Variants in EMILIN2 observed in about 807,000 individuals in gnomAD.
EMILIN2 encodes elastin microfibril interfacer 2.
A neutral mutation model predicts 87.1 loss-of-function variants in EMILIN2; 71 were observed. The observed-to-expected ratio is 0.82, with a 90% CI of 0.67 to 0.99. The LOEUF is 0.99. Ranked by LOEUF, EMILIN2 falls within the 50% of genes least tolerant of loss-of-function variation. The probability of loss-of-function intolerance (pLI) is 0.00; values close to 1 mark genes in which losing one functional copy is unlikely to be tolerated. For missense variants in EMILIN2, 1,407 were observed against 1,371.8 expected (o/e 1.03, Z -0.40); for synonymous variants, 581 against 563.4 (o/e 1.03, Z -0.44).
chr18:2,890,719 G>C lies in EMILIN2; in HGVS notation c.592G>C (p.Val198Leu). The part of the protein sequence containing the change: ...EEKVLRLTRT[V>L]LDLQSSLAGV... ...GAAGGTTCTTCGACTCACAAGGACGGTTCTTGACCTCCAGTCTTCCCTTGC... is the reference window on the plus strand; with the variant it reads ...GAAGGTTCTTCGACTCACAAGGACGCTTCTTGACCTCCAGTCTTCCCTTGC... The change falls in exon 4 of 8, where the codon GTT becomes CTT. Residue 198 changes from valine (V) to leucine (L), a missense_variant. Transcript: ENST00000254528. The surrounding 1 kb of genome is among the most constrained non-coding windows in gnomAD (Gnocchi z 4.7). 2 of 1,614,140 alleles carry C rather than the reference G, an allele frequency of 1.2e-6. No individual in the cohort carries two copies. The highest frequency in any genetic ancestry group is 3.3e-5 in the Admixed American group (2 of 60,020).
chr18:2,850,201 A>G (rs2076595336), intron 2 of EMILIN2, among the ~76,000 whole-genome samples: 1 of 151,480 alleles, frequency 6.6e-6, no homozygotes, highest in African/African-American at 2.4e-5. Flanking sequence ...CAGCCTGCCA[A>G]AGTGCTAGGA....
chr18:2,850,282 G>A (rs1436317814), intron 2 of EMILIN2, among the ~76,000 whole-genome samples: 1 of 151,864 alleles, frequency 6.6e-6, no homozygotes, highest in African/African-American at 2.4e-5. Flanking sequence ...ACAAAGGAAG[G>A]AGCCTTCTTT....
At chr18:2,852,052 T>G (rs2076604343) in intron 2 of EMILIN2, among the ~76,000 whole-genome samples, 1 of 152,216 alleles carries the variant, frequency 6.6e-6, no homozygotes, top group Non-Finnish European at 1.5e-5. Flanking sequence ...TCTTAGTGTG[T>G]GCTTTCGGTA....
chr18:2,873,685 C>A (rs1010978399), intron 2 of EMILIN2, among the ~76,000 whole-genome samples: 4 of 151,462 alleles, frequency 2.6e-5, no homozygotes, highest in African/African-American at 4.9e-5. Context: ...CCAGCCTGGG[C>A]GACAGAGCAA....
At chr18:2,875,071 C>T (rs1265047067) in intron 2 of EMILIN2, among the ~76,000 whole-genome samples, 4 of 152,196 alleles carry the variant, frequency 2.6e-5, no homozygotes, top group African/African-American at 9.7e-5. Flanking sequence ...GAAGAGAAAG[C>T]ACAGGGTGAC....
At position 2,891,985 on chromosome 18, in the gene EMILIN2, AATG is replaced by A. The variant is rs2076840082; in HGVS notation, c.1862_1864del (p.Asp621del). The A allele has an allele frequency of 1.2e-6, 2 of 1,614,106 alleles. No homozygotes were observed. Among genetic ancestry groups the A allele is most frequent in the Non-Finnish European group, 1.7e-6 (2 of 1,180,054 alleles). ...TTATTCTCAATTAAACCACACAGAA[AATG>A]ATGTGACTCATCTTCAAAAGGAAAT... On this transcript the variant is annotated inframe_deletion, in exon 4 of 8. Transcript: ENST00000254528. The surrounding 1 kb of genome is among the most constrained non-coding windows in gnomAD (Gnocchi z 4.6).
chr18:2,902,746 C>T (rs906784293), intron 4 of EMILIN2, among the ~76,000 whole-genome samples: 1 of 152,142 alleles, frequency 6.6e-6, no homozygotes, highest in African/African-American at 2.4e-5. Context: ...TTTCTAAGAG[C>T]ATTCTGGAAA....
intron 2 of EMILIN2, among the ~76,000 whole-genome samples, chr18:2,881,246 G>A (rs2076775537): frequency 6.6e-6 from 1 of 152,200 alleles, no homozygotes; most frequent in Non-Finnish European, 1.5e-5. Context: ...TCTCACCGCA[G>A]GAGGTGGCTG....
Position 2,907,080 on chromosome 18 carries a change from C to T in EMILIN2, c.2657C>T (p.Ala886Val). Residue 886 changes from alanine to valine, a missense_variant, in exon 5 of 8, where the codon GCA becomes GTA. Coordinates refer to ENST00000254528, the MANE Select transcript of EMILIN2 (RefSeq NM_032048.3). ...CCCGGCGCAGAAGGCTTCGCGGGCG[C>T]ACCAGGTGAGGCCCGGGGCTGCGCG... Reference protein sequence around the residue: ...TVPGAEGFAGAPGYPKSPPVA... With the variant: ...TVPGAEGFAGVPGYPKSPPVA... 1 of 1,252,002 alleles carries T rather than the reference C, an allele frequency of 8.0e-7. No homozygotes were observed. The highest frequency in any genetic ancestry group is 1.0e-6 in the Non-Finnish European group (1 of 1,000,544). 77.6% of individuals were successfully genotyped at this position (1,252,002 alleles called of 1,614,324 possible).
rs2076578718 is a variant in EMILIN2, at chr18:2,847,166, G to T, written c.-23G>T. 7.4e-6 allele frequency: 8 copies of T among 1,081,686 alleles called. No individual in the cohort carries two copies. In the South Asian group the frequency reaches 3.1e-4, roughly 43 times the overall value. The allele number at this position is 1,081,686 out of a possible 1,614,324, so 67.0% of individuals were successfully genotyped here. On this transcript the variant is annotated 5_prime_UTR_variant, in exon 1 of 8. Transcript: ENST00000254528. This position sits in a 1 kb window ranked among gnomAD's most constrained non-coding sequence, Gnocchi z 4.5. ...CGCCGCGCTCCGGACCCGGGCAGGC[G>T]GGGCGCGCCCGCTGCGCGCGGGATG...
At chr18:2,869,278 G>GT (rs1218535214) in intron 2 of EMILIN2, among the ~76,000 whole-genome samples, 1 of 106,546 alleles carries the variant, frequency 9.4e-6, no homozygotes, top group Non-Finnish European at 1.9e-5. Flanking sequence ...AAATTACATA[G>GT]TTAAAAAAAA....
intron 3 of EMILIN2, among the ~76,000 whole-genome samples, chr18:2,889,347 A>G (rs185069871): frequency 7.0e-4 from 107 of 152,070 alleles, no homozygotes; most frequent in Non-Finnish European, 3.1e-4. Context: ...CATGTTGGCC[A>G]GGCTGGTCTT....
chr18:2,874,339 A>G (rs990020408), intron 2 of EMILIN2, among the ~76,000 whole-genome samples: 4 of 152,134 alleles, frequency 2.6e-5, no homozygotes, highest in African/African-American at 9.7e-5. Flanking sequence ...CCAGGTGTGC[A>G]CCACTGCACC....
intron 2 of EMILIN2, among the ~76,000 whole-genome samples, chr18:2,855,421 A>C (rs972377662): frequency 6.6e-6 from 1 of 152,250 alleles, no homozygotes; most frequent in Non-Finnish European, 1.5e-5. Context: ...CCTTCGTCTT[A>C]CACAACAGTG....
intron 2 of EMILIN2, among the ~76,000 whole-genome samples, chr18:2,868,361 G>A (rs895289232): frequency 6.6e-6 from 1 of 152,218 alleles, no homozygotes; most frequent in Non-Finnish European, 1.5e-5. Context: ...ACGATGGGCG[G>A]CCACGCAGAG....
Position 2,913,200 on chromosome 18 carries a change from G to C in EMILIN2, c.2958G>C (p.Arg986Ser). The change falls in exon 8 of 8, where the codon AGG becomes AGC. Residue 986 changes from arginine (R) to serine (S), a missense_variant. Coordinates refer to ENST00000254528, the MANE Select transcript of EMILIN2 (RefSeq NM_032048.3). ...CCCAGCTGCATACCGCTGGGTACAG[G>C]AGAGAGTTCCTGGAATACCACCGCC... The part of the protein sequence containing the change: ...SVAQLHTAGY[R>S]REFLEYHRPP... 3 of 1,613,982 alleles carry C rather than the reference G, an allele frequency of 1.9e-6. No individual in the cohort carries two copies. Among genetic ancestry groups the C allele is most frequent in the Non-Finnish European group, 2.5e-6 (3 of 1,179,998 alleles).
intron 2 of EMILIN2, among the ~76,000 whole-genome samples, chr18:2,882,928 C>T (rs1053444283): frequency 1.3e-5 from 2 of 151,840 alleles, no homozygotes; most frequent in Non-Finnish European, 2.9e-5. Context: ...GTAATCTCAG[C>T]ATTTTGGGAG....
chr18:2,867,740 A>G lies in EMILIN2; in HGVS notation c.258-17224A>G, dbSNP rs1361033701. Reference sequence around the variant, plus strand: ...TACAGAACAAAACAAAAAGTCTCCCATGTCTACTTCTTTCTACACAGACAC... The same window carrying G: ...TACAGAACAAAACAAAAAGTCTCCCGTGTCTACTTCTTTCTACACAGACAC... On this transcript the variant is annotated intron_variant, in intron 2 of 7. Coordinates refer to ENST00000254528, the MANE Select transcript of EMILIN2 (RefSeq NM_032048.3). Among the ~76,000 whole-genome samples, 5 of 151,494 alleles carry G rather than the reference A, an allele frequency of 3.3e-5. No homozygotes were observed. In the East Asian group the frequency reaches 9.7e-4, roughly 29 times the overall value.
intron 2 of EMILIN2, among the ~76,000 whole-genome samples, chr18:2,867,892 G>T (rs1309409778): frequency 6.6e-6 from 1 of 152,020 alleles, no homozygotes; most frequent in Non-Finnish European, 1.5e-5. Context: ...GGTGGTGGCC[G>T]GGCAGAGGGG....
Sources: allele counts gnomAD v4.1 joint callset (sites outside exome capture counted in the v4.1 genomes callset), GRCh38; gene constraint gnomAD v4.1.1; non-coding constraint Gnocchi (gnomAD v3.1); transcripts MANE v1.5; gene names NCBI Gene and HGNC (gene_info 2026-07-23, HGNC 2026-07-21).